CEP162: variants seen among roughly 807,000 people sequenced by gnomAD.
CEP162 encodes centrosomal protein 162.
Under a neutral mutation model 169.2 loss-of-function variants are expected in CEP162, and 141 were observed. The ratio of observed to expected loss-of-function variants is 0.83; its 90% CI spans 0.73 to 0.96. The LOEUF (loss-of-function observed/expected upper bound fraction) is 0.96, where lower values mean the gene tolerates loss of function less well. Ranked by LOEUF, CEP162 falls within the 40% of genes least tolerant of loss-of-function variation. CEP162 has a pLI of 0.00. For synonymous variants in CEP162, 540 were observed against 526.4 expected (o/e 1.03, Z -0.35); for missense variants, 1,600 against 1,587.2 (o/e 1.01, Z -0.14).
chr6:84,126,385 A>G lies in CEP162; in HGVS notation c.3998T>C (p.Leu1333Pro), dbSNP rs775868346. 6.3e-7 allele frequency: 1 copy of G among 1,586,534 alleles called. No homozygotes were observed. The highest frequency in any genetic ancestry group is 8.6e-7 in the Non-Finnish European group (1 of 1,169,116). The change falls in exon 26 of 27, where the codon CTT becomes CCT. Residue 1333 changes from leucine (L) to proline (P), a missense_variant. Physicochemically the swap from Leu to Pro is moderately conservative, Grantham distance 98 (BLOSUM62 -3). Coordinates refer to ENST00000403245, the MANE Select transcript of CEP162 (RefSeq NM_014895.4). ...EMRHAQREQE[L>P]QQIIQQTHQV... ...AAATGTGATTTACTTTACCTGTTGA[A>G]GTTCCTGTTCTCTTTGTGCATGTCT...
At chr6:84,227,388 AAGC>A (rs780814264) in intron 1 of CEP162, among the ~76,000 whole-genome samples, 189 bp downstream of exon 1, 28 of 152,232 alleles carry the variant, frequency 1.8e-4, no homozygotes, top group Non-Finnish European at 3.8e-4. Flanking sequence ...AAAGCTTCTC[AAGC>A]CTGGCTGCGA....
At position 84,152,592 on chromosome 6, in the gene CEP162, CTTCAG is replaced by C. The variant is rs745875869; in HGVS notation, c.3577_3581del (p.Leu1193AspfsTer4). 3.9e-6 allele frequency: 6 copies of C among 1,547,432 alleles called. No homozygotes were observed. The highest frequency in any genetic ancestry group is 1.2e-5 in the South Asian group (1 of 82,218). ...GATTCATCACTGCTTCAGATTTCAT[CTTCAG>C]TTCATTCTTCTCTGAAATTAATCCT... is the stretch of plus-strand genomic sequence containing the variant. On this transcript the variant is annotated frameshift_variant, in exon 23 of 27. Coordinates refer to ENST00000403245, the MANE Select transcript of CEP162 (RefSeq NM_014895.4). LOFTEE classifies it high-confidence loss of function.
intron 11 of CEP162, among the ~76,000 whole-genome samples, chr6:84,187,470 T>C (rs1413226614): frequency 6.6e-6 from 1 of 152,224 alleles, no homozygotes; most frequent in African/African-American, 2.4e-5. Flanking sequence ...AATAGTTCTT[T>C]CCTTCTTCAT....
intron 1 of CEP162, among the ~76,000 whole-genome samples, chr6:84,227,125 G>C (rs927612270): frequency 5.3e-5 from 8 of 152,132 alleles, no homozygotes; most frequent in Non-Finnish European, 8.8e-5. Flanking sequence ...GATTTGCAAC[G>C]GAAAGCGTTC....
At position 84,174,788 on chromosome 6, in the gene CEP162, T is replaced by C; in HGVS notation, c.1964A>G (p.Lys655Arg). ...KELENKLEELKKQQEKELFKL... is the reference protein window; with the variant it reads ...KELENKLEELRKQQEKELFKL... ...GAAGAGTTCTTTTTCCTGTTGTTTCTTTAGTTCTTCCAACTTATTTTCTAG... is the reference window on the plus strand; with the variant it reads ...GAAGAGTTCTTTTTCCTGTTGTTTCCTTAGTTCTTCCAACTTATTTTCTAG... Residue 655 changes from lysine (K) to arginine (R), a missense_variant, in exon 15 of 27, where the codon AAG becomes AGG. By Grantham distance (26) the Lys-to-Arg change is conservative. Coordinates refer to ENST00000403245, the MANE Select transcript of CEP162 (RefSeq NM_014895.4). 6.3e-7 allele frequency: 1 copy of C among 1,577,918 alleles called. No individual in the cohort carries two copies. The highest frequency in any genetic ancestry group is 8.6e-7 in the Non-Finnish European group (1 of 1,156,728).
intron 25 of CEP162, among the ~76,000 whole-genome samples, chr6:84,132,805 G>T (rs938949553): frequency 6.6e-6 from 1 of 151,858 alleles, no homozygotes; most frequent in Admixed American, 6.6e-5. Flanking sequence ...CCTTTACCTC[G>T]GAGAAGTTTG....
chr6:84,200,695 T>C (rs563562438), intron 9 of CEP162, 94 bp downstream of exon 9: 5 of 490,244 alleles, frequency 1.0e-5, no homozygotes, highest in East Asian at 3.2e-5. Flanking sequence ...ATTATCAATA[T>C]AGTTATTATA....
chr6:84,190,642 C>T (rs1440177656), intron 11 of CEP162, among the ~76,000 whole-genome samples: 1 of 152,106 alleles, frequency 6.6e-6, no homozygotes, highest in African/African-American at 2.4e-5. Flanking sequence ...CAGCTTCACT[C>T]CTGAGCCAGC....
intron 11 of CEP162, among the ~76,000 whole-genome samples, chr6:84,189,511 G>T (rs547733602): frequency 1.3e-5 from 2 of 152,190 alleles, no homozygotes; most frequent in Non-Finnish European, 2.9e-5. Context: ...CTTAGCACCC[G>T]GGCCAGTGGC....
At chr6:84,151,050 A>C (rs1274059774) in intron 23 of CEP162, among the ~76,000 whole-genome samples, 1 of 152,100 alleles carries the variant, frequency 6.6e-6, no homozygotes. Flanking sequence ...AGTTCCACGA[A>C]ATGTTTTGTG....
rs6922350 is a variant in CEP162 at position 84,194,642 on chromosome 6, T to C, written c.1027+242A>G. ...CTAATTTTTGTATTTTTAGTAGAGA[T>C]GGGGTTTCACCATGTTGCCCAGGAT... On this transcript the variant is annotated intron_variant, in intron 10 of 26. Coordinates refer to ENST00000403245, the MANE Select transcript of CEP162 (RefSeq NM_014895.4). 3.7e-3 allele frequency among the ~76,000 whole-genome samples: 563 copies of C among 152,036 alleles called. 1 individual carries two copies. The highest frequency in any genetic ancestry group is 0.013 in the African/African-American group (531 of 41,508).
intron 18 of CEP162, among the ~76,000 whole-genome samples, chr6:84,165,841 C>T (rs759148755): frequency 3.2e-4 from 49 of 152,144 alleles, no homozygotes; most frequent in Admixed American, 1.3e-3. Flanking sequence ...CTAGCTGCAT[C>T]GCAGATTTAA....
At chr6:84,212,858 C>A in intron 6 of CEP162, 99 bp downstream of exon 6, 1 of 763,536 alleles carries the variant, frequency 1.3e-6, no homozygotes, top group South Asian at 1.9e-5. Flanking sequence ...AGCTCTGAGA[C>A]AATATGATTT....
At chr6:84,214,433 C>T (rs1386039983) in intron 5 of CEP162, among the ~76,000 whole-genome samples, 1 of 152,172 alleles carries the variant, frequency 6.6e-6, no homozygotes, top group African/African-American at 2.4e-5. Context: ...TCAGGTACTG[C>T]CTTTGTTCTT....
chr6:84,176,521 G>A (rs1340934384), intron 13 of CEP162, among the ~76,000 whole-genome samples: 1 of 152,094 alleles, frequency 6.6e-6, no homozygotes, highest in African/African-American at 2.4e-5. Flanking sequence ...TTCTCCTTAG[G>A]ACAAGGCAGC....
intron 11 of CEP162, among the ~76,000 whole-genome samples, chr6:84,190,268 T>TA (rs1411886455): frequency 6.6e-6 from 1 of 152,120 alleles, no homozygotes; most frequent in Non-Finnish European, 1.5e-5. Context: ...GGAGAACCTT[T>TA]GTATCTAGCT....
chr6:84,195,247 CTT>C (rs1301825759), intron 9 of CEP162, among the ~76,000 whole-genome samples, 172 bp from the exon 10 acceptor site: 1 of 152,222 alleles, frequency 6.6e-6, no homozygotes, highest in African/African-American at 2.4e-5. Flanking sequence ...CTCAACAACT[CTT>C]TTAGCAAACT....
At chr6:84,157,693 C>T (rs2099523792) in intron 21 of CEP162, among the ~76,000 whole-genome samples, 1 of 152,126 alleles carries the variant, frequency 6.6e-6, no homozygotes, top group Admixed American at 6.6e-5. Context: ...TGTCTTCAGA[C>T]TTTCAATTAG....
intron 13 of CEP162, among the ~76,000 whole-genome samples, chr6:84,183,415 T>C (rs570072307): frequency 6.6e-6 from 1 of 152,198 alleles, no homozygotes; most frequent in East Asian, 1.9e-4. Context: ...CTCATTCCCA[T>C]TGGCATAGTT....
Sources: allele counts gnomAD v4.1 joint callset (sites outside exome capture counted in the v4.1 genomes callset), GRCh38; gene constraint gnomAD v4.1.1; transcripts MANE v1.5; gene names NCBI Gene and HGNC (gene_info 2026-07-23, HGNC 2026-07-21).